Variants in DGCR2 observed in about 807,000 individuals in gnomAD.
The protein encoded by DGCR2 is DiGeorge syndrome critical region gene 2.
A neutral mutation model predicts 51.6 loss-of-function variants in DGCR2; 24 were observed. That is an observed-to-expected ratio of 0.47 (90% CI 0.34 to 0.65). The LOEUF is 0.65. Ranked by LOEUF, DGCR2 falls within the 30% of genes least tolerant of loss-of-function variation. The pLI is 0.01. For missense variants in DGCR2, 765 were observed against 772.1 expected, an observed-to-expected ratio of 0.99 and a Z score of 0.11; for synonymous variants, 340 against 315.4, an observed-to-expected ratio of 1.08 and a Z score of -0.82.
At chr22:19,076,515 G>T (rs535014901) in intron 2 of DGCR2, among the ~76,000 whole-genome samples, 1 of 152,126 alleles carries the variant, frequency 6.6e-6, no homozygotes, top group Admixed American at 6.5e-5. Flanking sequence ...TTTAGTAGCT[G>T]CACCAGTTCC....
intron 6 of DGCR2, among the ~76,000 whole-genome samples, chr22:19,056,696 A>C (rs1158442777): frequency 6.6e-6 from 1 of 152,164 alleles, no homozygotes; most frequent in African/African-American, 2.4e-5. Flanking sequence ...TTGGGTCCTC[A>C]TTCCCATTTA....
rs371636906 is a variant in DGCR2, at chr22:19,037,924, A to T, written c.*941T>A. The T allele has an allele frequency of 6.5e-6, 1 of 152,756 alleles. No individual in the cohort carries two copies. The highest frequency in any genetic ancestry group is 2.4e-5 in the African/African-American group (1 of 41,458). The allele number at this position is 152,756 out of a possible 1,614,324, so 9.5% of individuals were successfully genotyped here. A position where few individuals can be genotyped will look rare whatever the true frequency, so the allele number is the denominator to read the frequency against. On this transcript the variant is annotated 3_prime_UTR_variant, in exon 10 of 10. Transcript: ENST00000263196. ...AGATGCAGCCCAGGATGGTGGTTTC[A>T]GCCACCCCTCCTGCAATGAAGCAAC...
intron 1 of DGCR2, among the ~76,000 whole-genome samples, chr22:19,117,197 A>G (rs1020891628): frequency 5.9e-5 from 9 of 152,220 alleles, no homozygotes; most frequent in Non-Finnish European, 1.3e-4. Flanking sequence ...AAGAGGATAT[A>G]ATCACTCAGT....
At chr22:19,091,334 G>A (rs2083075767) in intron 1 of DGCR2, among the ~76,000 whole-genome samples, 1 of 152,156 alleles carries the variant, frequency 6.6e-6, no homozygotes. Context: ...ACTACAGCCT[G>A]GGCAACAGGA....
chr22:19,091,470 G>A (rs2146017012), intron 1 of DGCR2, among the ~76,000 whole-genome samples: 1 of 152,228 alleles, frequency 6.6e-6, no homozygotes, highest in African/African-American at 2.4e-5. Context: ...GATTCAAGAG[G>A]ACATAATCCT....
chr22:19,122,138 C>G lies in DGCR2; in HGVS notation c.69G>C (p.Pro23=). The G allele has an allele frequency of 6.7e-7, 1 of 1,497,316 alleles. No homozygotes were observed. The highest frequency in any genetic ancestry group is 1.3e-5 in the South Asian group (1 of 79,200). The allele number at this position is 1,497,316 out of a possible 1,614,324, so 92.8% of individuals were successfully genotyped here. A position where few individuals can be genotyped will look rare whatever the true frequency, so the allele number is the denominator to read the frequency against. The stretch of plus-strand genomic sequence containing the variant: ...CATCGCGCGGCGCACCTGGCCGCAG[C>G]GGCTCGGTGACAGTGAGCACGAGCA... The part of the protein sequence containing the change: ...LFLLVLTVTE[P]LRPELRCNPG... The change falls in exon 1 of 10, where the codon CCG becomes CCC. Residue 23 remains proline, a synonymous_variant. Coordinates refer to ENST00000263196, the MANE Select transcript of DGCR2 (RefSeq NM_005137.3).
chr22:19,103,739 TAAAAAAAAA>T (rs34046451), intron 1 of DGCR2, among the ~76,000 whole-genome samples: 2 of 78,724 alleles, frequency 2.5e-5, no homozygotes, highest in South Asian at 5.4e-4. Flanking sequence ...AAAAAATTCT[TAAAAAAAAA>T]AAAAAAAAAA....
chr22:19,116,582 G>A (rs2083375759), intron 1 of DGCR2, among the ~76,000 whole-genome samples: 1 of 152,132 alleles, frequency 6.6e-6, no homozygotes, highest in African/African-American at 2.4e-5. Context: ...GAAAGAGGAC[G>A]GTCATCAAAA....
At chr22:19,066,410 A>C (rs542515468) in intron 3 of DGCR2, among the ~76,000 whole-genome samples, 3 of 151,822 alleles carry the variant, frequency 2.0e-5, no homozygotes, top group South Asian at 2.1e-4. Flanking sequence ...TGTCTGAAAA[A>C]AAACAAACAA....
In DGCR2 at chr22:19,062,084, C is replaced by CAG. The variant is rs1247384375; in HGVS notation, c.625+1116_625+1117dup. ...CACCAGTGTCAGGAGGACAAGCTAC[C>CAG]AGGATAATTATGCTCTATGAGGCAA... On this transcript the variant is annotated intron_variant, in intron 5 of 9. Transcript: ENST00000263196. 3.9e-5 allele frequency among the ~76,000 whole-genome samples: 6 copies of CAG among 152,294 alleles called. No individual in the cohort carries two copies. The East Asian group carries it at 1.2e-3, about 29-fold the overall frequency.
At chr22:19,103,526 G>A (rs1461641262) in intron 1 of DGCR2, among the ~76,000 whole-genome samples, 1 of 141,594 alleles carries the variant, frequency 7.1e-6, no homozygotes, top group Non-Finnish European at 1.5e-5. Context: ...CGCCTCCCGG[G>A]TTCATGCCCT....
chr22:19,095,656 G>A (rs1452687177), intron 1 of DGCR2, among the ~76,000 whole-genome samples: 16 of 131,468 alleles, frequency 1.2e-4, no homozygotes, highest in Non-Finnish European at 2.2e-4. Context: ...GCAAGACTCC[G>A]TCTCAAAAAA....
At chr22:19,083,985 G>A (rs2082975234) in intron 2 of DGCR2, among the ~76,000 whole-genome samples, 2 of 152,288 alleles carry the variant, frequency 1.3e-5, no homozygotes, top group African/African-American at 2.4e-5. Flanking sequence ...GCCTCCCGAG[G>A]TGCCGGGATT....
chr22:19,048,358 C>CA (rs2082512619), intron 7 of DGCR2, 82 bp downstream of exon 7: 6 of 1,480,476 alleles, frequency 4.1e-6, no homozygotes, highest in Non-Finnish European at 5.6e-6. Context: ...CCTGAGTCCT[C>CA]ACCACTGAGG....
chr22:19,045,671 T>C (rs2082481509), intron 7 of DGCR2, among the ~76,000 whole-genome samples: 1 of 152,258 alleles, frequency 6.6e-6, no homozygotes, highest in Non-Finnish European at 1.5e-5. Flanking sequence ...GCAATCCTCT[T>C]GCCTCAGACT....
Position 19,122,238 on chromosome 22 carries a change from G to GAGT in DGCR2, c.-33_-32insACT. The GAGT allele has an allele frequency of 6.8e-7, 1 of 1,479,000 alleles. No individual in the cohort carries two copies. The highest frequency in any genetic ancestry group is 9.0e-7 in the Non-Finnish European group (1 of 1,109,040). The allele number at this position is 1,479,000 out of a possible 1,614,324, so 91.6% of individuals were successfully genotyped here. ...TCCGTTCATCGTCCCCGGGGCGGCT[G>GAGT]GAAGGCCGGACCAGGCCGGACTGAG... On this transcript the variant is annotated 5_prime_UTR_variant, in exon 1 of 10. Transcript: ENST00000263196.
At chr22:19,054,909 C>T (rs912082286) in intron 6 of DGCR2, among the ~76,000 whole-genome samples, 3 of 152,032 alleles carry the variant, frequency 2.0e-5, no homozygotes, top group Admixed American at 1.3e-4. Context: ...TCAAGACCAG[C>T]GTTCAAGACC....
intron 1 of DGCR2, among the ~76,000 whole-genome samples, chr22:19,118,893 A>G (rs1008654786): frequency 1.5e-4 from 23 of 152,222 alleles, no homozygotes; most frequent in Admixed American, 1.5e-3. Flanking sequence ...TATCACAATC[A>G]GTGGTCCCCA....
chr22:19,064,187 C>G (rs138730796), intron 4 of DGCR2, among the ~76,000 whole-genome samples: 24 of 152,366 alleles, frequency 1.6e-4, no homozygotes, highest in African/African-American at 5.5e-4. Flanking sequence ...ATGGCACACT[C>G]TGCCCTATGC....
Sources: gnomAD v4.1 joint callset for allele counts (sites outside exome capture counted in the v4.1 genomes callset) on GRCh38, gnomAD v4.1.1 for gene constraint, MANE v1.5 for transcripts, NCBI Gene and HGNC (gene_info 2026-07-23, HGNC 2026-07-21) for gene names.